CFAP299: variants seen among roughly 807,000 people sequenced by gnomAD.
CFAP299 encodes cilia and flagella associated protein 299.
A neutral mutation model predicts 27.0 loss-of-function variants in CFAP299; 21 were observed. That is an observed-to-expected ratio of 0.78 (90% CI 0.55 to 1.12). The LOEUF (loss-of-function observed/expected upper bound fraction) is 1.12. CFAP299 is among the 50% of genes most tolerant of loss of function. The pLI is 0.00. For synonymous variants in CFAP299, 104 were observed against 98.1 expected (o/e 1.06, Z -0.36); for missense variants, 310 against 276.6 (o/e 1.12, Z -0.86).
rs148953118 is a variant in CFAP299 at position 80,390,998 on chromosome 4, T to C, written c.242+28114T>C. On this transcript the variant is annotated intron_variant, in intron 2 of 5. Coordinates refer to ENST00000358105, the MANE Select transcript of CFAP299 (RefSeq NM_152770.3). ...ATGTACACACATGTATATATGTATA[T>C]ATGTATGTACACACATGTATATATG... Among the ~76,000 whole-genome samples, 534 of 147,496 alleles carry C rather than the reference T, an allele frequency of 3.6e-3. 12 individuals are homozygous for C. Among genetic ancestry groups the C allele is most frequent in the African/African-American group, 0.013 (502 of 39,958 alleles).
chr4:80,921,890 G>A (rs1369122524), intron 4 of CFAP299, among the ~76,000 whole-genome samples: 2 of 151,828 alleles, frequency 1.3e-5, no homozygotes, highest in African/African-American at 4.8e-5. Flanking sequence ...AATGGGATAT[G>A]ATGAGAGGAA....
chr4:80,756,605 C>A (rs550763195), intron 3 of CFAP299, among the ~76,000 whole-genome samples: 1 of 151,942 alleles, frequency 6.6e-6, no homozygotes, highest in African/African-American at 2.4e-5. Context: ...ATGACACATA[C>A]AAAATGACAT....
At chr4:80,803,758 C>G (rs1728728260) in intron 3 of CFAP299, among the ~76,000 whole-genome samples, 1 of 149,678 alleles carries the variant, frequency 6.7e-6, no homozygotes, top group Non-Finnish European at 1.5e-5. Context: ...AACTAAATAT[C>G]TATAAAATAT....
chr4:80,755,288 TAAC>T (rs936488898), intron 3 of CFAP299, among the ~76,000 whole-genome samples: 1 of 152,000 alleles, frequency 6.6e-6, no homozygotes, highest in Non-Finnish European at 1.5e-5. Flanking sequence ...GAGTCAGTTC[TAAC>T]AACAGCAACA....
chr4:80,376,765 C>A (rs1295807342), intron 2 of CFAP299, among the ~76,000 whole-genome samples: 2 of 152,194 alleles, frequency 1.3e-5, no homozygotes. Context: ...AACGATCCTC[C>A]TGCCTCAGCC....
intron 2 of CFAP299, among the ~76,000 whole-genome samples, chr4:80,501,558 TATATA>T (rs1731745479): frequency 1.3e-5 from 2 of 148,354 alleles, no homozygotes; most frequent in Admixed American, 6.8e-5. Context: ...TAAGTATAAA[TATATA>T]ATTTATATAG....
At chr4:80,740,145 A>G (rs944577093) in intron 3 of CFAP299, among the ~76,000 whole-genome samples, 5 of 152,104 alleles carry the variant, frequency 3.3e-5, no homozygotes, top group African/African-American at 1.2e-4. Context: ...CATTTCTCCA[A>G]GATTGTTCCC....
chr4:80,854,143 A>G (rs1455100264), intron 3 of CFAP299, among the ~76,000 whole-genome samples: 4 of 152,182 alleles, frequency 2.6e-5, no homozygotes, highest in Admixed American at 6.5e-5. Flanking sequence ...ACACAGTGTC[A>G]GTGATGCAGA....
At chr4:80,558,362 G>GTT (rs1351346440) in intron 2 of CFAP299, among the ~76,000 whole-genome samples, 9 of 125,356 alleles carry the variant, frequency 7.2e-5, no homozygotes, top group East Asian at 4.7e-4. Context: ...TTGTTTGTTT[G>GTT]TTTGTTTTTT....
chr4:80,669,534 G>T (rs1741349871), intron 3 of CFAP299, among the ~76,000 whole-genome samples: 1 of 148,940 alleles, frequency 6.7e-6, no homozygotes, highest in African/African-American at 2.5e-5. Context: ...TTTGTGTCTT[G>T]CAAATTTACT....
chr4:80,931,679 T>A (rs1736623225), intron 4 of CFAP299, among the ~76,000 whole-genome samples: 1 of 151,842 alleles, frequency 6.6e-6, no homozygotes, highest in Non-Finnish European at 1.5e-5. Context: ...TCAATCACCA[T>A]CCTGGTTTAG....
At chr4:80,888,520 T>A (rs1056544402) in intron 4 of CFAP299, among the ~76,000 whole-genome samples, 1 of 152,018 alleles carries the variant, frequency 6.6e-6, no homozygotes, top group Non-Finnish European at 1.5e-5. Context: ...TACAATAATA[T>A]CTGGAGACTT....
chr4:80,763,411 C>T (rs939173359), intron 3 of CFAP299, among the ~76,000 whole-genome samples: 6 of 152,060 alleles, frequency 3.9e-5, no homozygotes, highest in African/African-American at 1.4e-4. Context: ...CGTGAAGGAC[C>T]TCTTCAAGGA....
intron 3 of CFAP299, among the ~76,000 whole-genome samples, chr4:80,805,747 A>T (rs1208827430): frequency 6.6e-6 from 1 of 152,042 alleles, no homozygotes; most frequent in African/African-American, 2.4e-5. Context: ...GGTGGTACAT[A>T]CCTGTAGCTC....
At chr4:80,492,359 T>C (rs1731180959) in intron 2 of CFAP299, among the ~76,000 whole-genome samples, 1 of 152,214 alleles carries the variant, frequency 6.6e-6, no homozygotes, top group Non-Finnish European at 1.5e-5. Flanking sequence ...ATTTCGACTC[T>C]TTTCATCAAC....
At chr4:80,870,511 A>G (rs1008054851) in intron 4 of CFAP299, 11 of 992,736 alleles carry the variant, frequency 1.1e-5, no homozygotes, top group Non-Finnish European at 1.3e-5. Context: ...CACCAGCCAA[A>G]GTGCTGGCCC....
chr4:80,466,748 C>G (rs1458249762), intron 2 of CFAP299, among the ~76,000 whole-genome samples: 1 of 152,216 alleles, frequency 6.6e-6, no homozygotes, highest in Non-Finnish European at 1.5e-5. Context: ...GGCATAGGCA[C>G]TGCCCCTGAC....
At chr4:80,386,513 G>A (rs376343889) in intron 2 of CFAP299, 10 of 1,029,474 alleles carry the variant, frequency 9.7e-6, no homozygotes, top group Middle Eastern at 3.0e-4. Flanking sequence ...GGGCGGTGGT[G>A]GGGGGGGGGG....
intron 3 of CFAP299, among the ~76,000 whole-genome samples, chr4:80,767,351 T>C (rs570572241): frequency 2.0e-4 from 31 of 152,324 alleles, no homozygotes; most frequent in Admixed American, 1.4e-3. Context: ...GGCTCACGCC[T>C]GTAATCCCAG....
Sources: gnomAD v4.1 joint callset for allele counts (sites outside exome capture counted in the v4.1 genomes callset) on GRCh38, gnomAD v4.1.1 for gene constraint, MANE v1.5 for transcripts, NCBI Gene and HGNC (gene_info 2026-07-23, HGNC 2026-07-21) for gene names.